The following ALK variants were observed in gnomAD, a reference collection of about 807,000 sequenced individuals.
The protein encoded by ALK is ALK receptor tyrosine kinase.
ALK carries 74 observed loss-of-function variants against 163.1 expected under a neutral mutation model. The ratio of observed to expected loss-of-function variants is 0.45; its 90% confidence interval spans 0.38 to 0.55. ALK has a LOEUF of 0.55. Ranked by LOEUF, ALK falls within the 20% of genes least tolerant of loss-of-function variation. The pLI is 0.00. For synonymous variants in ALK, 960 were observed against 843.2 expected, an observed-to-expected ratio of 1.14 and a Z score of -2.40; for missense variants, 2,063 against 2,105.3, an observed-to-expected ratio of 0.98 and a Z score of 0.39.
At chr2:29,290,168 A>C (rs539081429) in intron 9 of ALK, among the ~76,000 whole-genome samples, 53 of 152,300 alleles carry the variant, frequency 3.5e-4, no homozygotes, top group African/African-American at 9.9e-4. Flanking sequence ...ACCTCCACAG[A>C]GGGGCCTCTA....
intron 4 of ALK, among the ~76,000 whole-genome samples, chr2:29,411,428 T>TA (rs56744798): frequency 6.7e-6 from 1 of 149,730 alleles, no homozygotes; most frequent in Non-Finnish European, 1.5e-5. Flanking sequence ...TCCTCTCTAT[T>TA]AAAAAAAAAA....
At chr2:29,345,896 C>A (rs541878754) in intron 5 of ALK, among the ~76,000 whole-genome samples, 1 of 152,124 alleles carries the variant, frequency 6.6e-6, no homozygotes, top group Non-Finnish European at 1.5e-5. Flanking sequence ...AACAGCATAG[C>A]AAAATCCATT....
intron 1 of ALK, among the ~76,000 whole-genome samples, chr2:29,875,364 A>G (rs1666677421): frequency 6.6e-6 from 1 of 152,172 alleles, no homozygotes; most frequent in Non-Finnish European, 1.5e-5. Flanking sequence ...AATGGACTTA[A>G]TGTCACTCAA....
intron 24 of ALK, among the ~76,000 whole-genome samples, chr2:29,212,710 CTTTT>C (rs59049700): frequency 5.3e-5 from 8 of 150,590 alleles, no homozygotes; most frequent in African/African-American, 1.9e-4. Context: ...TTTGTTTTTT[CTTTT>C]TTTTTCTTTG....
chr2:29,797,964 G>A (rs1046748574), intron 1 of ALK, among the ~76,000 whole-genome samples: 2 of 152,088 alleles, frequency 1.3e-5, no homozygotes, highest in African/African-American at 2.4e-5. Flanking sequence ...GGAAGGCCAC[G>A]GGGTGGTAAG....
chr2:29,349,919 C>G (rs1027730626), intron 5 of ALK, among the ~76,000 whole-genome samples: 1 of 152,186 alleles, frequency 6.6e-6, no homozygotes, highest in African/African-American at 2.4e-5. Flanking sequence ...AGACACCTGG[C>G]TGGGAAGTTC....
intron 5 of ALK, among the ~76,000 whole-genome samples, chr2:29,333,633 T>C (rs868124166): frequency 6.6e-6 from 1 of 152,198 alleles, no homozygotes; most frequent in African/African-American, 2.4e-5. Context: ...CATTTTAAAT[T>C]TTCTGAGACA....
intron 1 of ALK, among the ~76,000 whole-genome samples, chr2:29,841,750 T>C (rs1286534827): frequency 1.3e-5 from 2 of 152,172 alleles, no homozygotes; most frequent in African/African-American, 4.8e-5. Context: ...TAAACTTCCA[T>C]TTCTTCATCT....
intron 3 of ALK, among the ~76,000 whole-genome samples, chr2:29,617,953 C>T (rs141116138): frequency 2.0e-5 from 3 of 152,324 alleles, no homozygotes; most frequent in African/African-American, 4.8e-5. Context: ...TCTAGCACCA[C>T]CGTTGGGCTG....
chr2:29,508,030 C>A (rs1013113988), intron 4 of ALK, among the ~76,000 whole-genome samples: 1 of 152,100 alleles, frequency 6.6e-6, no homozygotes, highest in African/African-American at 2.4e-5. Context: ...GTGTGGTTAG[C>A]CTGAGTCCTG....
At chr2:29,362,610 A>G (rs1411717820) in intron 5 of ALK, among the ~76,000 whole-genome samples, 3 of 151,762 alleles carry the variant, frequency 2.0e-5, no homozygotes, top group Non-Finnish European at 4.4e-5. Flanking sequence ...TTCTGCACTC[A>G]CTCTGTGGCT....
intron 4 of ALK, among the ~76,000 whole-genome samples, chr2:29,416,878 AG>A (rs1191358328): frequency 2.0e-5 from 3 of 151,738 alleles, no homozygotes; most frequent in Non-Finnish European, 4.4e-5. Context: ...ATGTATCACC[AG>A]CATCTGGCTC....
chr2:29,834,967 G>A (rs1255111517), intron 1 of ALK, among the ~76,000 whole-genome samples: 1 of 152,218 alleles, frequency 6.6e-6, no homozygotes, highest in Non-Finnish European at 1.5e-5. Flanking sequence ...CAGAGCTCAT[G>A]GTAAAGAAAA....
At chr2:29,621,219 T>C (rs935857201) in intron 3 of ALK, among the ~76,000 whole-genome samples, 6 of 152,032 alleles carry the variant, frequency 3.9e-5, no homozygotes, top group Admixed American at 3.9e-4. Flanking sequence ...GAGAAGGAAT[T>C]ACAATGTTTT....
chr2:29,405,944 T>G (rs983557987), intron 4 of ALK, among the ~76,000 whole-genome samples: 4 of 152,150 alleles, frequency 2.6e-5, no homozygotes, highest in Non-Finnish European at 4.4e-5. Context: ...CTTCCTGCTC[T>G]TTTTCCTCTT....
At chr2:29,480,354 G>T (rs1671632700) in intron 4 of ALK, among the ~76,000 whole-genome samples, 1 of 152,118 alleles carries the variant, frequency 6.6e-6, no homozygotes, top group Admixed American at 6.5e-5. Context: ...TGGGGATGGA[G>T]CTGTTTGTAA....
Position 29,197,534 on chromosome 2 carries a change from A to T in ALK, c.4073+8T>A, listed in dbSNP as rs762974945. On this transcript the variant is annotated splice_region_variant and intron_variant, in intron 27 of 28. Coordinates refer to ENST00000389048, the MANE Select transcript of ALK (RefSeq NM_004304.5). ...TAACTAGCAGAAGTGTTCCTAAAAG[A>T]GTCATACACAGGCCCAGGGCAGTTC... The T allele has an allele frequency of 6.2e-7, 1 of 1,613,344 alleles. No individual in the cohort carries two copies. Among genetic ancestry groups the T allele is most frequent in the African/African-American group, 1.3e-5 (1 of 75,028 alleles).
chr2:29,724,974 C>G (rs1437214485), intron 1 of ALK, among the ~76,000 whole-genome samples: 1 of 151,994 alleles, frequency 6.6e-6, no homozygotes, highest in Non-Finnish European at 1.5e-5. Context: ...GCATGCATTT[C>G]CTGCCTCCCC....
intron 1 of ALK, among the ~76,000 whole-genome samples, chr2:29,804,433 G>A (rs181758693): frequency 7.9e-5 from 12 of 152,288 alleles, no homozygotes; most frequent in Non-Finnish European, 1.2e-4. Flanking sequence ...GGGTCACAAC[G>A]GACTTTCAAA....
Sources: allele counts gnomAD v4.1 joint callset (sites outside exome capture counted in the v4.1 genomes callset), GRCh38; gene constraint gnomAD v4.1.1; transcripts MANE v1.5; gene names NCBI Gene and HGNC (gene_info 2026-07-23, HGNC 2026-07-21).